Variants in PADI3 observed in about 807,000 individuals in gnomAD.
The protein encoded by PADI3 is peptidyl arginine deiminase 3.
In PADI3, 53 loss-of-function variants were observed where a neutral mutation model predicts 71.5. That is an observed-to-expected ratio of 0.74 (90% CI 0.59 to 0.93). The LOEUF (loss-of-function observed/expected upper bound fraction) is 0.93, where lower values mean the gene tolerates loss of function less well. PADI3 is among the 40% of genes least tolerant of loss of function. PADI3 has a pLI of 0.00. For synonymous variants in PADI3, 361 were observed against 347.5 expected (o/e 1.04, Z -0.43); for missense variants, 821 against 868.0 (o/e 0.95, Z 0.68).
chr1:17,256,750 G>A (rs764039020), intron 1 of PADI3, among the ~76,000 whole-genome samples: 1 of 152,166 alleles, frequency 6.6e-6, no homozygotes, highest in African/African-American at 2.4e-5. Flanking sequence ...AAGTGTACAG[G>A]CTTCAGCCAG....
At chr1:17,280,623 A>C in intron 14 of PADI3, 48 bp from the exon 15 acceptor site, 4 of 1,613,122 alleles carry the variant, frequency 2.5e-6, no homozygotes, top group Non-Finnish European at 3.4e-6. Context: ...GGTGCCCCCA[A>C]AACACACTGG....
chr1:17,258,323 C>T (rs993553864), intron 1 of PADI3, among the ~76,000 whole-genome samples: 4 of 152,208 alleles, frequency 2.6e-5, no homozygotes, highest in African/African-American at 9.7e-5. Flanking sequence ...TGTTGGTCCT[C>T]AGCTCCCCAG....
Position 17,273,376 on chromosome 1 carries a change from A to G in PADI3, c.1084A>G (p.Lys362Glu), listed in dbSNP as rs1213400973. Residue 362 changes from lysine (K) to glutamate (E), a missense_variant, in exon 10 of 16, where the codon AAG becomes GAG. Transcript: ENST00000375460. ...MELGYVQAPH[K>E]TLPVVFDSPR... ...GCTGGGCTACGTTCAGGCGCCGCACAAGACCCTCCCGGTGGTCTTTGACTC... is the reference window on the plus strand; with the variant it reads ...GCTGGGCTACGTTCAGGCGCCGCACGAGACCCTCCCGGTGGTCTTTGACTC... 4.3e-6 allele frequency: 7 copies of G among 1,613,376 alleles called. No homozygotes were observed. Among genetic ancestry groups the G allele is most frequent in the African/African-American group, 2.7e-5 (2 of 74,788 alleles).
intron 1 of PADI3, among the ~76,000 whole-genome samples, chr1:17,250,561 C>G (rs1327584523): frequency 6.6e-6 from 1 of 152,112 alleles, no homozygotes; most frequent in Non-Finnish European, 1.5e-5. Flanking sequence ...TGGGAGGGAA[C>G]CAAGTCGGGA....
At chr1:17,256,097 C>T (rs527573927) in intron 1 of PADI3, among the ~76,000 whole-genome samples, 1 of 152,316 alleles carries the variant, frequency 6.6e-6, no homozygotes, top group South Asian at 2.1e-4. Context: ...TGTGTCTCCT[C>T]TTGGTGCCTT....
Position 17,283,092 on chromosome 1 carries a change from C to G in PADI3, c.*13C>G, listed in dbSNP as rs1358230959. 2.5e-6 allele frequency: 4 copies of G among 1,603,314 alleles called. 1 individual carries two copies. The South Asian group carries it at 4.4e-5, about 18-fold the overall frequency. On this transcript the variant is annotated 3_prime_UTR_variant, in exon 16 of 16. Coordinates refer to ENST00000375460, the MANE Select transcript of PADI3 (RefSeq NM_016233.2). ...CATGGTGCCCTGAGACAGCTCCCAC[C>G]CACCATCCTGTCCCCCTGGGGCGGG...
rs966586477 is a variant in PADI3 at position 17,283,637 on chromosome 1, C to T, written c.*558C>T. On this transcript the variant is annotated 3_prime_UTR_variant, in exon 16 of 16. Coordinates refer to ENST00000375460, the MANE Select transcript of PADI3 (RefSeq NM_016233.2). ...GAACCATCTTTCACCCGGCCAAGCT[C>T]CTGCCCAGATGTTGACCCTCACCCA... is the stretch of plus-strand genomic sequence containing the variant. 1 of 152,798 alleles carries T rather than the reference C, an allele frequency of 6.5e-6. No individual in the cohort carries two copies. Among genetic ancestry groups the T allele is most frequent in the African/African-American group, 2.4e-5 (1 of 41,458 alleles). The allele number at this position is 152,798 out of a possible 1,614,324, so 9.5% of individuals were successfully genotyped here.
intron 4 of PADI3, among the ~76,000 whole-genome samples, 169 bp downstream of exon 4, chr1:17,265,889 A>G (rs1295961811): frequency 1.3e-5 from 2 of 152,196 alleles, no homozygotes; most frequent in East Asian, 3.8e-4. Flanking sequence ...TTTCACCAGG[A>G]GAAAAATCAT....
chr1:17,256,176 C>T (rs946808395), intron 1 of PADI3, among the ~76,000 whole-genome samples: 1 of 152,182 alleles, frequency 6.6e-6, no homozygotes, highest in Non-Finnish European at 1.5e-5. Flanking sequence ...TTCCTGCACC[C>T]TCATTTACTT....
intron 13 of PADI3, among the ~76,000 whole-genome samples, chr1:17,278,926 A>G (rs573583447): frequency 1.3e-5 from 2 of 152,334 alleles, no homozygotes; most frequent in Admixed American, 1.3e-4. Context: ...AGCCTTAGCA[A>G]TAAAATGGAA....
rs200319177 is a variant in PADI3, at chr1:17,282,952, C to T, written c.1868C>T (p.Pro623Leu). The T allele has an allele frequency of 1.5e-4, 248 of 1,614,068 alleles. 1 individual carries two copies. Among genetic ancestry groups the T allele is most frequent in the Middle Eastern group, 1.6e-4 (1 of 6,084 alleles). Residue 623 changes from proline (P) to leucine (L), a missense_variant, in exon 16 of 16, where the codon CCG (proline) becomes CTG (leucine). Coordinates refer to ENST00000375460, the MANE Select transcript of PADI3 (RefSeq NM_016233.2). ...LEEKVRSLLE[P>L]LGLHCTFIDD... ...GAGAAGGTGCGGTCCCTGCTGGAGC[C>T]GCTGGGCCTCCACTGCACCTTCATT...
chr1:17,265,475 G>A (rs2073155726), intron 3 of PADI3, among the ~76,000 whole-genome samples, 184 bp from the exon 4 acceptor site: 1 of 151,920 alleles, frequency 6.6e-6, no homozygotes, highest in Admixed American at 6.5e-5. Flanking sequence ...GGCCTTTGCT[G>A]TGACCCTGCT....
Position 17,249,204 on chromosome 1 carries a change from G to A in PADI3, c.67G>A (p.Val23Met), listed in dbSNP as rs200183399. Residue 23 changes from valine to methionine, a missense_variant, in exon 1 of 16, where the codon GTG (valine) becomes ATG (methionine). Physicochemically the swap from Val to Met is conservative, Grantham distance 21. Transcript: ENST00000375460. ...CACCAGCGCGGTGTGTGTGGCTGGC[G>A]TGGAGACCCTCGTGGACATTTATGG... ...HPTSAVCVAG[V>M]ETLVDIYGSV... 5.0e-6 allele frequency: 8 copies of A among 1,614,070 alleles called. No homozygotes were observed. In the Admixed American group the frequency reaches 6.7e-5, roughly 13 times the overall value.
chr1:17,265,889 A>C (rs1295961811), intron 4 of PADI3, among the ~76,000 whole-genome samples, 169 bp downstream of exon 4: 1 of 152,196 alleles, frequency 6.6e-6, no homozygotes, highest in Non-Finnish European at 1.5e-5. Flanking sequence ...TTTCACCAGG[A>C]GAAAAATCAT....
intron 9 of PADI3, among the ~76,000 whole-genome samples, chr1:17,271,839 A>C (rs1047645788): frequency 8.5e-5 from 12 of 140,754 alleles, no homozygotes; most frequent in South Asian, 4.9e-4. Context: ...ACAACAACAA[A>C]AAAAAAAAAA....
intron 2 of PADI3, among the ~76,000 whole-genome samples, chr1:17,260,554 C>A (rs1375449216): frequency 6.6e-6 from 1 of 152,156 alleles, no homozygotes; most frequent in Non-Finnish European, 1.5e-5. Flanking sequence ...GCAGATGGGG[C>A]AACTGAGGTT....
At position 17,274,791 on chromosome 1, in the gene PADI3, G is replaced by A; in HGVS notation, c.1307+5G>A. The A allele has an allele frequency of 6.2e-7, 1 of 1,612,634 alleles. No homozygotes were observed. Among genetic ancestry groups the A allele is most frequent in the South Asian group, 1.1e-5 (1 of 90,958 alleles). ...CATTGGGGGCAACCTGCCTGGGTGA[G>A]AGAGAGACAGGGAATGGAGTTCCTG... On this transcript the variant is annotated splice_donor_5th_base_variant and intron_variant, in intron 11 of 15. Transcript: ENST00000375460.
intron 9 of PADI3, among the ~76,000 whole-genome samples, chr1:17,272,412 G>T (rs2073267710): frequency 6.6e-6 from 1 of 152,142 alleles, no homozygotes; most frequent in South Asian, 2.1e-4. Context: ...CGATGGGCTG[G>T]GTTTAGAGCC....
At chr1:17,249,315 C>T in intron 1 of PADI3, 86 bp downstream of exon 1, 1 of 1,083,738 alleles carries the variant, frequency 9.2e-7, no homozygotes, top group East Asian at 2.4e-5. Flanking sequence ...AGGGCTTCTT[C>T]AGGGCCCACT....
Sources: gnomAD v4.1 joint callset for allele counts (sites outside exome capture counted in the v4.1 genomes callset) on GRCh38, gnomAD v4.1.1 for gene constraint, MANE v1.5 for transcripts, NCBI Gene and HGNC (gene_info 2026-07-23, HGNC 2026-07-21) for gene names.